PLEKHG7: variants seen among roughly 807,000 people sequenced by gnomAD.
PLEKHG7 encodes pleckstrin homology domain-containing family G member 7.
A neutral mutation model predicts 85.2 loss-of-function variants in PLEKHG7; 77 were observed. The observed-to-expected ratio is 0.90, with a 90% CI of 0.75 to 1.09. The LOEUF (loss-of-function observed/expected upper bound fraction) is 1.09, where lower values mean the gene tolerates loss of function less well. PLEKHG7 is among the 50% of genes least tolerant of loss of function. PLEKHG7 has a pLI of 0.00. For synonymous variants in PLEKHG7, 301 were observed against 302.4 expected (o/e 1.00, Z 0.05); for missense variants, 777 against 804.3 (o/e 0.97, Z 0.41).
chr12:92,764,239 A>C (rs1565798346), intron 15 of PLEKHG7, 45 bp downstream of exon 15: 1 of 1,536,408 alleles, frequency 6.5e-7, no homozygotes, highest in East Asian at 2.4e-5. Context: ...TTGCCATCAC[A>C]GAGTTTTATA....
intron 13 of PLEKHG7, among the ~76,000 whole-genome samples, chr12:92,760,400 GA>G (rs760460939): frequency 1.3e-5 from 2 of 151,950 alleles, no homozygotes; most frequent in Non-Finnish European, 2.9e-5. Flanking sequence ...TGCAAATATA[GA>G]AAAAATCTTT....
At chr12:92,724,783 A>G (rs1871748878) in intron 3 of PLEKHG7, among the ~76,000 whole-genome samples, 1 of 152,132 alleles carries the variant, frequency 6.6e-6, no homozygotes, top group Non-Finnish European at 1.5e-5. Flanking sequence ...TTTAAATCTC[A>G]TCAGCCAGGT....
intron 9 of PLEKHG7, among the ~76,000 whole-genome samples, chr12:92,744,349 G>A (rs77252543): frequency 0.019 from 2,933 of 152,258 alleles, 62 homozygotes; most frequent in Non-Finnish European, 0.026. Context: ...TTCCAGTAAC[G>A]AGCCAGAAGA....
At chr12:92,711,241 G>T (rs1871362203) in intron 3 of PLEKHG7, among the ~76,000 whole-genome samples, 1 of 152,164 alleles carries the variant, frequency 6.6e-6, no homozygotes, top group African/African-American at 2.4e-5. Flanking sequence ...CTTTTGGGTG[G>T]TGCCTGCATA....
chr12:92,760,561 A>T (rs937766239), intron 13 of PLEKHG7, among the ~76,000 whole-genome samples: 5 of 152,122 alleles, frequency 3.3e-5, no homozygotes, highest in Non-Finnish European at 5.9e-5. Flanking sequence ...AAAAAAATTT[A>T]CTGGGTTTTC....
intron 5 of PLEKHG7, among the ~76,000 whole-genome samples, chr12:92,735,949 A>G (rs1049479243): frequency 6.6e-6 from 1 of 152,202 alleles, no homozygotes; most frequent in Non-Finnish European, 1.5e-5. Context: ...TAACAAAAAT[A>G]AGTGGGTGAT....
At position 92,772,129 on chromosome 12, in the gene PLEKHG7, C is replaced by CA. The variant is rs1014914003; in HGVS notation, c.*1939dup. 1.8e-4 allele frequency: 27 copies of CA among 151,300 alleles called. No homozygotes were observed. The highest frequency in any genetic ancestry group is 6.3e-4 in the African/African-American group (26 of 41,228). 9.4% of individuals were successfully genotyped at this position (151,300 alleles called of 1,614,324 possible). On this transcript the variant is annotated 3_prime_UTR_variant, in exon 17 of 17. Transcript: ENST00000344636. Reference sequence around the variant, plus strand: ...AAAAACAATGGCACATTGGGCCTTCCAAAAAGTATCTTTGGGGAGGGGAGG... The same window carrying CA: ...AAAAACAATGGCACATTGGGCCTTCCAAAAAAGTATCTTTGGGGAGGGGAGG...
intron 15 of PLEKHG7, among the ~76,000 whole-genome samples, chr12:92,765,740 G>T (rs1873177359): frequency 1.3e-5 from 2 of 152,016 alleles, no homozygotes; most frequent in Non-Finnish European, 2.9e-5. Context: ...GCTGCAGTGA[G>T]CTATGATTGC....
chr12:92,756,737 A>T (rs1872846213), intron 13 of PLEKHG7, among the ~76,000 whole-genome samples: 1 of 152,256 alleles, frequency 6.6e-6, no homozygotes, highest in African/African-American at 2.4e-5. Flanking sequence ...CCAATGAGCC[A>T]GACAATCAAG....
Position 92,737,003 on chromosome 12 carries a change from C to T in PLEKHG7, c.796-375C>T, listed in dbSNP as rs141644710. On this transcript the variant is annotated intron_variant, in intron 6 of 16. Transcript: ENST00000344636. The stretch of plus-strand genomic sequence containing the variant: ...AAGTTTTGCCAACGGAACCTGGAAT[C>T]AGACTTCCCAGTCCTGGGTTTAGGG... Among the ~76,000 whole-genome samples, 359 of 152,314 alleles carry T rather than the reference C, an allele frequency of 2.4e-3. 1 individual carries two copies. Among genetic ancestry groups the T allele is most frequent in the African/African-American group, 8.4e-3 (349 of 41,570 alleles).
chr12:92,727,663 C>T (rs1367491425), intron 3 of PLEKHG7, among the ~76,000 whole-genome samples: 2 of 151,882 alleles, frequency 1.3e-5, no homozygotes, highest in Non-Finnish European at 2.9e-5. Flanking sequence ...GATCTTGGCT[C>T]ACTGCAACCT....
At chr12:92,727,619 C>T (rs977159505) in intron 3 of PLEKHG7, among the ~76,000 whole-genome samples, 39 of 151,736 alleles carry the variant, frequency 2.6e-4, no homozygotes, top group Non-Finnish European at 4.9e-4. Context: ...GACAGAGTTT[C>T]GCTCTTGTTG....
chr12:92,706,784 G>A lies in PLEKHG7; in HGVS notation c.153G>A (p.Leu51=). ...APGRISTSPT[L]RRLRTRGCGT... ...GCCGCATCTCCACCTCGCCCACTTT[G>A]AGGAGATTAAGGACCCGTGGCTGTG... The change falls in exon 2 of 17, where the codon TTG becomes TTA. Residue 51 remains leucine, a synonymous_variant. Coordinates refer to ENST00000344636, the MANE Select transcript of PLEKHG7 (RefSeq NM_001377329.1). 6.2e-7 allele frequency: 1 copy of A among 1,614,024 alleles called. No individual in the cohort carries two copies. The highest frequency in any genetic ancestry group is 8.5e-7 in the Non-Finnish European group (1 of 1,180,034).
At chr12:92,719,126 C>A (rs1871567872) in intron 3 of PLEKHG7, among the ~76,000 whole-genome samples, 1 of 152,166 alleles carries the variant, frequency 6.6e-6, no homozygotes, top group African/African-American at 2.4e-5. Flanking sequence ...GTCGAACATA[C>A]AAAAGCGCAT....
At chr12:92,768,820 G>A (rs1448199656) in intron 15 of PLEKHG7, among the ~76,000 whole-genome samples, 163 bp from the exon 16 acceptor site, 1 of 151,712 alleles carries the variant, frequency 6.6e-6, no homozygotes, top group African/African-American at 2.4e-5. Flanking sequence ...TCTTGGCATT[G>A]AAATAAAATT....
intron 3 of PLEKHG7, among the ~76,000 whole-genome samples, chr12:92,715,369 C>T (rs1235256453): frequency 1.3e-5 from 2 of 152,194 alleles, no homozygotes; most frequent in South Asian, 2.1e-4. Context: ...CTTTTGGCAA[C>T]ACCTTCACAG....
In PLEKHG7 at chr12:92,706,809, G is replaced by C; in HGVS notation, c.178G>C (p.Gly60Arg). 6.2e-7 allele frequency: 1 copy of C among 1,613,994 alleles called. No homozygotes were observed. Among genetic ancestry groups the C allele is most frequent in the Non-Finnish European group, 8.5e-7 (1 of 1,180,024 alleles). ...GAGGAGATTAAGGACCCGTGGCTGT[G>C]GGACAAGGCAGGATGCCTGGCAGGT... ...TLRRLRTRGC[G>R]TRQDAWQVTT... Residue 60 changes from glycine (G) to arginine (R), a missense_variant, in exon 2 of 17, where the codon GGG (glycine) becomes CGG (arginine). Gly to Arg is a moderately radical substitution (Grantham distance 125). Around this residue, in one of 3 missense-constraint regions of PLEKHG7, gnomAD observed 252 missense variants for 241.9 expected, o/e 1.04. Transcript: ENST00000344636.
At chr12:92,720,643 A>G (rs1465707095) in intron 3 of PLEKHG7, among the ~76,000 whole-genome samples, 2 of 152,150 alleles carry the variant, frequency 1.3e-5, no homozygotes, top group South Asian at 2.1e-4. Flanking sequence ...TGTCTTTTAT[A>G]AGGACATTTG....
intron 7 of PLEKHG7, among the ~76,000 whole-genome samples, chr12:92,740,651 C>A (rs966652380): frequency 6.6e-6 from 1 of 152,142 alleles, no homozygotes; most frequent in Admixed American, 6.5e-5. Context: ...AACTTTCATA[C>A]TGAAAAGCTC....
Sources: allele counts gnomAD v4.1 joint callset (sites outside exome capture counted in the v4.1 genomes callset), GRCh38; gene constraint gnomAD v4.1.1; regional missense constraint gnomAD v4.1.1; transcripts MANE v1.5; gene names NCBI Gene and HGNC (gene_info 2026-07-23, HGNC 2026-07-21).